PTPRG: variants seen among roughly 807,000 people sequenced by gnomAD.
PTPRG encodes receptor-type tyrosine-protein phosphatase gamma.
PTPRG carries 102 observed loss-of-function variants against 165.3 expected under a neutral mutation model. That is an observed-to-expected ratio of 0.62 (90% CI 0.53 to 0.73). The LOEUF is 0.73. Ranked by LOEUF, PTPRG falls within the 30% of genes least tolerant of loss-of-function variation. PTPRG has a pLI of 0.00. For missense variants in PTPRG, 1,866 were observed against 1,861.4 expected, an observed-to-expected ratio of 1.00 and a Z score of -0.05; for synonymous variants, 675 against 669.5, an observed-to-expected ratio of 1.01 and a Z score of -0.13.
At chr3:62,286,878 A>G (rs1342760192) in intron 28 of PTPRG, among the ~76,000 whole-genome samples, 1 of 152,136 alleles carries the variant, frequency 6.6e-6, no homozygotes, top group Non-Finnish European at 1.5e-5. Context: ...TAGTTCCTAA[A>G]CTTTTGAAAG....
intron 4 of PTPRG, among the ~76,000 whole-genome samples, chr3:62,073,826 T>G (rs991961231): frequency 6.6e-6 from 1 of 152,094 alleles, no homozygotes; most frequent in Non-Finnish European, 1.5e-5. Flanking sequence ...CGCTTCCAAC[T>G]GTCAGAGTAA....
intron 14 of PTPRG, among the ~76,000 whole-genome samples, chr3:62,238,885 G>C (rs1326660135): frequency 6.6e-6 from 1 of 152,124 alleles, no homozygotes. Flanking sequence ...GCTGCAAATT[G>C]TACAATAGGG....
At chr3:61,983,837 T>G (rs2040695131) in intron 2 of PTPRG, among the ~76,000 whole-genome samples, 1 of 152,202 alleles carries the variant, frequency 6.6e-6, no homozygotes. Flanking sequence ...TTTGGACTTT[T>G]CAAGTAGTAT....
intron 2 of PTPRG, among the ~76,000 whole-genome samples, chr3:61,985,333 C>T (rs922415718): frequency 6.6e-6 from 1 of 152,172 alleles, no homozygotes; most frequent in African/African-American, 2.4e-5. Flanking sequence ...GAAATGCTTG[C>T]ACCCACCTGC....
At chr3:62,084,853 A>G (rs1322510911) in intron 5 of PTPRG, among the ~76,000 whole-genome samples, 1 of 152,164 alleles carries the variant, frequency 6.6e-6, no homozygotes, top group Non-Finnish European at 1.5e-5. Context: ...GAGGCTTGAG[A>G]GTCTTCATTC....
At chr3:62,291,492 T>C (rs1379899003) in intron 28 of PTPRG, among the ~76,000 whole-genome samples, 1 of 152,102 alleles carries the variant, frequency 6.6e-6, no homozygotes, top group Admixed American at 6.6e-5. Context: ...TCTACACGTG[T>C]AATAATTTTT....
At chr3:62,169,466 C>A (rs1282967981) in intron 8 of PTPRG, among the ~76,000 whole-genome samples, 1 of 152,038 alleles carries the variant, frequency 6.6e-6, no homozygotes, top group Non-Finnish European at 1.5e-5. Flanking sequence ...GCATCTCAGT[C>A]TTTTTCCATC....
At chr3:61,908,001 G>A (rs769432460) in intron 2 of PTPRG, among the ~76,000 whole-genome samples, 10 of 151,590 alleles carry the variant, frequency 6.6e-5, no homozygotes, top group Non-Finnish European at 1.2e-4. Flanking sequence ...TGTGCCTGTA[G>A]TCTCAGCTAT....
intron 1 of PTPRG, among the ~76,000 whole-genome samples, chr3:61,581,086 C>T (rs909121841): frequency 3.9e-5 from 6 of 152,086 alleles, no homozygotes; most frequent in Non-Finnish European, 7.4e-5. Flanking sequence ...TTTTTGTACC[C>T]ATCTATAGCC....
chr3:61,777,155 G>C (rs540193708), intron 2 of PTPRG, among the ~76,000 whole-genome samples: 1 of 152,144 alleles, frequency 6.6e-6, no homozygotes, highest in Admixed American at 6.6e-5. Flanking sequence ...AATTTTACTC[G>C]GTAGCTTTAT....
chr3:61,970,621 T>C (rs181237384), intron 2 of PTPRG, among the ~76,000 whole-genome samples: 1 of 152,280 alleles, frequency 6.6e-6, no homozygotes, highest in East Asian at 1.9e-4. Context: ...TAATTAATAG[T>C]AAAGGTAGGT....
intron 5 of PTPRG, among the ~76,000 whole-genome samples, chr3:62,098,886 T>G (rs1472314970): frequency 1.3e-5 from 2 of 152,176 alleles, no homozygotes; most frequent in East Asian, 3.9e-4. Context: ...TGAAGGGTTG[T>G]GGTCACAGAA....
At chr3:61,673,740 A>C (rs1384708246) in intron 1 of PTPRG, among the ~76,000 whole-genome samples, 1 of 151,978 alleles carries the variant, frequency 6.6e-6, no homozygotes, top group Non-Finnish European at 1.5e-5. Flanking sequence ...TTATCATCTA[A>C]CCCCCTTTCT....
chr3:62,275,640 TG>T (rs1241586002), intron 23 of PTPRG, among the ~76,000 whole-genome samples: 1 of 152,170 alleles, frequency 6.6e-6, no homozygotes, highest in Non-Finnish European at 1.5e-5. Context: ...GATGCACCTG[TG>T]GTCCTAACTA....
chr3:61,780,404 A>G (rs2034511729), intron 2 of PTPRG, among the ~76,000 whole-genome samples: 1 of 152,180 alleles, frequency 6.6e-6, no homozygotes, highest in South Asian at 2.1e-4. Flanking sequence ...TGACTAAATC[A>G]CAGGAAAACT....
chr3:61,699,273 T>C (rs573981581), intron 1 of PTPRG, among the ~76,000 whole-genome samples: 35 of 152,224 alleles, frequency 2.3e-4, no homozygotes, highest in South Asian at 4.1e-4. Flanking sequence ...AAATTTTAGT[T>C]GGAAGAGTGG....
chr3:61,945,221 C>T (rs1165891444), intron 2 of PTPRG, among the ~76,000 whole-genome samples: 1 of 152,050 alleles, frequency 6.6e-6, no homozygotes, highest in Non-Finnish European at 1.5e-5. Flanking sequence ...ATTTTGTATG[C>T]TTTTGACAAA....
chr3:61,850,338 A>C (rs2036930811), intron 2 of PTPRG, among the ~76,000 whole-genome samples: 1 of 151,574 alleles, frequency 6.6e-6, no homozygotes, highest in Non-Finnish European at 1.5e-5. Flanking sequence ...TGATTTTTGT[A>C]TTTTTTAGTA....
Position 62,166,142 on chromosome 3 carries a change from T to C in PTPRG, c.841-1829T>C, listed in dbSNP as rs531116778. 1.1e-4 allele frequency among the ~76,000 whole-genome samples: 17 copies of C among 151,156 alleles called. 1 individual carries two copies. In the South Asian group the frequency reaches 3.6e-3, roughly 32 times the overall value. On this transcript the variant is annotated intron_variant, in intron 7 of 29. Transcript: ENST00000474889. ...CAGTTCATTCAGCTTTTCTCTTCAT[T>C]CTATTTTCTTCTCCTATTAGTATTT... is the stretch of plus-strand genomic sequence containing the variant.
Sources: gnomAD v4.1 joint callset for allele counts (sites outside exome capture counted in the v4.1 genomes callset) on GRCh38, gnomAD v4.1.1 for gene constraint, MANE v1.5 for transcripts, NCBI Gene and HGNC (gene_info 2026-07-23, HGNC 2026-07-21) for gene names.